PSD3: variants seen among roughly 807,000 people sequenced by gnomAD.
PSD3 encodes the protein pleckstrin and Sec7 domain containing 3, also known as PH and SEC7 domain-containing protein 3.
Under a neutral mutation model 105.5 loss-of-function variants are expected in PSD3, and 49 were observed. The observed-to-expected ratio is 0.46, with a 90% CI of 0.37 to 0.59. The LOEUF (loss-of-function observed/expected upper bound fraction) is 0.59. Ranked by LOEUF, PSD3 falls within the 20% of genes least tolerant of loss-of-function variation. The probability of loss-of-function intolerance (pLI) is 0.00; values close to 1 mark genes in which losing one functional copy is unlikely to be tolerated. For synonymous variants in PSD3, 557 were observed against 457.8 expected (o/e 1.22, Z -2.77); for missense variants, 1,561 against 1,263.8 (o/e 1.24, Z -3.57).
chr8:18,667,107 A>AG (rs1312731707), intron 9 of PSD3, among the ~76,000 whole-genome samples: 1 of 152,084 alleles, frequency 6.6e-6, no homozygotes, highest in African/African-American at 2.4e-5. Flanking sequence ...GCAGTGTGGA[A>AG]GGGGACCCCA....
intron 9 of PSD3, among the ~76,000 whole-genome samples, chr8:18,759,821 T>C (rs78599451): frequency 0.021 from 3,263 of 152,078 alleles, 159 homozygotes; most frequent in East Asian, 0.17. Flanking sequence ...GTTTCTTCCC[T>C]TCTTTCATGT....
Position 18,632,734 on chromosome 8 carries a change from G to T in PSD3, c.2289C>A (p.Thr763=). 6.2e-7 allele frequency: 1 copy of T among 1,607,330 alleles called. No individual in the cohort carries two copies. Among genetic ancestry groups the T allele is most frequent in the Non-Finnish European group, 8.5e-7 (1 of 1,174,278 alleles). The part of the protein sequence containing the change: ...EEKANGTHPK[T]ISRIGSTTNP... ...TAGTAGTACTTCCAATACGACTGAT[G>T]GTCTTTGGATGTGTTCCGTTAGCTT... Residue 763 remains threonine, a synonymous_variant, in exon 11 of 16, where the codon ACC becomes ACA. Transcript: ENST00000327040.
chr8:18,959,886 G>T (rs1305152792), intron 1 of PSD3, among the ~76,000 whole-genome samples: 3 of 152,164 alleles, frequency 2.0e-5, no homozygotes, highest in Non-Finnish European at 4.4e-5. Context: ...TCACCAATCA[G>T]ATAAGCCACT....
intron 14 of PSD3, chr8:18,557,400 A>G (rs1304825639): frequency 6.5e-6 from 1 of 152,700 alleles, no homozygotes; most frequent in Non-Finnish European, 1.5e-5. Flanking sequence ...AATTACAAAT[A>G]TATAATATTG....
intron 8 of PSD3, among the ~76,000 whole-genome samples, chr8:18,767,689 G>A (rs915214977): frequency 7.9e-5 from 12 of 152,144 alleles, no homozygotes; most frequent in African/African-American, 2.9e-4. Context: ...GGAGGATGCA[G>A]TGAGCAGAGA....
chr8:18,627,713 G>GT (rs547589649), intron 11 of PSD3, among the ~76,000 whole-genome samples: 220 of 151,450 alleles, frequency 1.5e-3, no homozygotes, highest in African/African-American at 5.1e-3. Flanking sequence ...AAAATCCAGT[G>GT]TTTTTTTTAG....
intron 9 of PSD3, among the ~76,000 whole-genome samples, chr8:18,707,488 C>G (rs1251954876): frequency 6.6e-6 from 1 of 152,168 alleles, no homozygotes. Flanking sequence ...GACAGCCCCA[C>G]AACACACACA....
rs575874034 is a variant in PSD3, at chr8:19,051,713, G to A, written c.324+32493C>T. 2.6e-5 allele frequency among the ~76,000 whole-genome samples: 4 copies of A among 152,300 alleles called. No individual in the cohort carries two copies. In the East Asian group the frequency reaches 7.7e-4, roughly 29 times the overall value. On this transcript the variant is annotated intron_variant, in intron 1 of 1. Transcript: ENST00000521475. Reference sequence around the variant, plus strand: ...TATAACAAAGTTGGGGGATTAGCATGTTACCATCTTCCCCTACTAGACTGC... The same window carrying A: ...TATAACAAAGTTGGGGGATTAGCATATTACCATCTTCCCCTACTAGACTGC...
chr8:18,584,543 T>A (rs1803026947), intron 12 of PSD3, among the ~76,000 whole-genome samples: 1 of 152,326 alleles, frequency 6.6e-6, no homozygotes, highest in South Asian at 2.1e-4. Context: ...TCTATGAGAT[T>A]GTGAAGCTCA....
intron 4 of PSD3, among the ~76,000 whole-genome samples, chr8:18,815,549 G>A (rs1166236866): frequency 6.6e-6 from 1 of 152,150 alleles, no homozygotes; most frequent in Non-Finnish European, 1.5e-5. Context: ...GGCCTCAAGT[G>A]ATCTCTCCAC....
intron 9 of PSD3, among the ~76,000 whole-genome samples, chr8:18,671,303 C>T (rs555842504): frequency 9.2e-5 from 14 of 152,180 alleles, no homozygotes; most frequent in Admixed American, 5.2e-4. Flanking sequence ...AAGATGCTCA[C>T]TTAAATTTGA....
chr8:18,657,845 A>T (rs547315799), intron 9 of PSD3, among the ~76,000 whole-genome samples: 2 of 152,372 alleles, frequency 1.3e-5, no homozygotes, highest in Admixed American at 1.3e-4. Context: ...TACCCAGAGT[A>T]ATTCAAAATG....
intron 9 of PSD3, among the ~76,000 whole-genome samples, chr8:18,681,285 A>C (rs1800372616): frequency 6.6e-6 from 1 of 152,090 alleles, no homozygotes; most frequent in Non-Finnish European, 1.5e-5. Flanking sequence ...GAGTCAGATA[A>C]TCAAAAATGC....
At chr8:18,838,055 T>C (rs1013952889) in intron 4 of PSD3, among the ~76,000 whole-genome samples, 2 of 152,234 alleles carry the variant, frequency 1.3e-5, no homozygotes, top group African/African-American at 4.8e-5. Context: ...AACATAATTA[T>C]GAAAGGTTTT....
intron 2 of PSD3, among the ~76,000 whole-genome samples, chr8:18,915,902 C>T (rs1270155109): frequency 6.6e-6 from 1 of 151,966 alleles, no homozygotes; most frequent in Non-Finnish European, 1.5e-5. Context: ...TAGAGACCAG[C>T]CTGACCAACA....
chr8:19,061,363 G>A (rs750384609), intron 1 of PSD3, among the ~76,000 whole-genome samples: 2 of 152,048 alleles, frequency 1.3e-5, no homozygotes, highest in Non-Finnish European at 2.9e-5. Context: ...AATCACTGGC[G>A]ACAAGACAAA....
chr8:18,850,212 C>A (rs889554514), intron 4 of PSD3, among the ~76,000 whole-genome samples: 1 of 152,226 alleles, frequency 6.6e-6, no homozygotes, highest in Admixed American at 6.5e-5. Context: ...CATAGCCTGG[C>A]AAAGGCCCCT....
rs572258247 is a variant in PSD3, at chr8:19,009,825, G to A, written c.21+3738C>T. On this transcript the variant is annotated intron_variant, in intron 1 of 15. Coordinates refer to ENST00000327040, the MANE Select transcript of PSD3 (RefSeq NM_015310.4). Reference sequence around the variant, plus strand: ...AGAATTGCTTGAGTCTGAGAGGCAGGGGTTGCAGTGAGCTGAGATCGCACC... The same window carrying A: ...AGAATTGCTTGAGTCTGAGAGGCAGAGGTTGCAGTGAGCTGAGATCGCACC... Among the ~76,000 whole-genome samples, 14 of 151,984 alleles carry A rather than the reference G, an allele frequency of 9.2e-5. No homozygotes were observed. The East Asian group carries it at 2.5e-3, about 27-fold the overall frequency.
intron 8 of PSD3, among the ~76,000 whole-genome samples, chr8:18,768,492 G>A (rs2129444038): frequency 6.6e-6 from 1 of 152,134 alleles, no homozygotes; most frequent in South Asian, 2.1e-4. Flanking sequence ...CAGCTACTCT[G>A]GAGGCTGAGG....
Sources: gnomAD v4.1 joint callset for allele counts (sites outside exome capture counted in the v4.1 genomes callset) on GRCh38, gnomAD v4.1.1 for gene constraint, MANE v1.5 for transcripts, NCBI Gene and HGNC (gene_info 2026-07-23, HGNC 2026-07-21) for gene names.